Variants in GNG2 observed in about 807,000 individuals in gnomAD.
GNG2 encodes the protein guanine nucleotide-binding protein G(I)/G(S)/G(O) subunit gamma-2.
A neutral mutation model predicts 5.5 loss-of-function variants in GNG2; 5 were observed. That is an observed-to-expected ratio of 0.91 (90% CI 0.48 to 1.92). The LOEUF is 1.92. Among genes scored for constraint, GNG2 ranks in the 30% most tolerant of loss-of-function variants. The pLI is 0.01. For missense variants in GNG2, 55 were observed against 88.4 expected (o/e 0.62, Z 1.52); for synonymous variants, 28 against 32.0 (o/e 0.88, Z 0.42).
chr14:51,960,056 AT>A (rs1240443361), intron 3 of GNG2, among the ~76,000 whole-genome samples: 3 of 152,004 alleles, frequency 2.0e-5, no homozygotes, highest in East Asian at 3.9e-4. Flanking sequence ...CAGCCATTAT[AT>A]CTTCAAATAT....
intron 2 of GNG2, among the ~76,000 whole-genome samples, chr14:51,935,048 G>A (rs1198867059): frequency 5.8e-5 from 8 of 137,232 alleles, no homozygotes; most frequent in African/African-American, 1.7e-4. Flanking sequence ...TTTTGGAGAC[G>A]GAGTCTCGCT....
Position 51,938,462 on chromosome 14 carries a change from T to C in GNG2, c.-29-12188T>C, listed in dbSNP as rs188273610. On this transcript the variant is annotated intron_variant, in intron 2 of 3. Coordinates refer to ENST00000556766, the MANE Select transcript of GNG2 (RefSeq NM_053064.5). ...TAGCACTCCATAATTAACAATGTGC[T>C]GTCACAAACATTAGGCATGCATGTA... is the stretch of plus-strand genomic sequence containing the variant. Among the ~76,000 whole-genome samples the C allele has an allele frequency of 7.3e-4, 111 of 152,380 alleles. 1 individual carries two copies. The highest frequency in any genetic ancestry group is 2.5e-3 in the African/African-American group (106 of 41,596).
At chr14:51,849,031 T>C (rs1200489213) in intron 2 of GNG2, among the ~76,000 whole-genome samples, 1 of 152,196 alleles carries the variant, frequency 6.6e-6, no homozygotes, top group Non-Finnish European at 1.5e-5. Context: ...TTTTCTCTTA[T>C]AGTTTCTGTG....
chr14:51,949,009 T>C (rs1285684107), intron 2 of GNG2, among the ~76,000 whole-genome samples: 3 of 151,954 alleles, frequency 2.0e-5, no homozygotes, highest in Non-Finnish European at 2.9e-5. Context: ...TAGTCCCAGC[T>C]TCTCAGGAGG....
At chr14:51,841,633 A>G in intron 2 of GNG2, 1 of 682,296 alleles carries the variant, frequency 1.5e-6, no homozygotes, top group Non-Finnish European at 2.7e-6. Flanking sequence ...GAAAGAAAAC[A>G]AGCAAGCAAA....
intron 1 of GNG2, among the ~76,000 whole-genome samples, chr14:51,872,820 A>G (rs1349879650): frequency 2.6e-5 from 4 of 152,242 alleles, no homozygotes; most frequent in Non-Finnish European, 5.9e-5. Context: ...TTTGCATTTT[A>G]AAAATAGATG....
intron 1 of GNG2, among the ~76,000 whole-genome samples, chr14:51,876,736 C>T (rs950628602): frequency 2.0e-5 from 3 of 152,046 alleles, no homozygotes. Flanking sequence ...GATTGTAGCA[C>T]ACAGGCCAGT....
intron 2 of GNG2, among the ~76,000 whole-genome samples, chr14:51,883,414 A>G (rs1174646402): frequency 6.6e-6 from 1 of 152,204 alleles, no homozygotes; most frequent in Non-Finnish European, 1.5e-5. Context: ...GTAACCTTTA[A>G]TTTCTTAGAA....
intron 2 of GNG2, among the ~76,000 whole-genome samples, chr14:51,928,303 T>C (rs954246297): frequency 6.6e-6 from 1 of 152,124 alleles, no homozygotes; most frequent in Non-Finnish European, 1.5e-5. Context: ...TGCTGGAAAT[T>C]ACAGGCGCGG....
intron 3 of GNG2, among the ~76,000 whole-genome samples, chr14:51,958,439 T>TCCCC (rs11301974): frequency 7.5e-6 from 1 of 132,480 alleles, no homozygotes; most frequent in Admixed American, 7.9e-5. Context: ...TCTCTTCCGT[T>TCCCC]CCCCCCCCCC....
chr14:51,913,826 C>T (rs761424070), intron 2 of GNG2, among the ~76,000 whole-genome samples: 3 of 152,192 alleles, frequency 2.0e-5, no homozygotes, highest in Non-Finnish European at 4.4e-5. Flanking sequence ...TTAAAGTACT[C>T]TATATTCTCC....
intron 2 of GNG2, among the ~76,000 whole-genome samples, chr14:51,918,142 G>A (rs552429745): frequency 6.6e-6 from 1 of 152,098 alleles, no homozygotes; most frequent in Non-Finnish European, 1.5e-5. Flanking sequence ...AAAACAGTGG[G>A]CTGAAAGCCA....
rs562861677 is a variant in GNG2, at chr14:51,967,775, C to T, written c.*1088C>T. 6.6e-6 allele frequency: 1 copy of T among 152,082 alleles called. No homozygotes were observed. Among genetic ancestry groups the T allele is most frequent in the South Asian group, 2.1e-4 (1 of 4,804 alleles). The allele number at this position is 152,082 out of a possible 1,614,324, so 9.4% of individuals were successfully genotyped here. On this transcript the variant is annotated 3_prime_UTR_variant, in exon 4 of 4. Coordinates refer to ENST00000556766, the MANE Select transcript of GNG2 (RefSeq NM_053064.5). ...CTTTTGCCATGAGTATGAGCAAATT[C>T]CCTCTTTCCCTGAATCATGGACATT...
intron 3 of GNG2, among the ~76,000 whole-genome samples, chr14:51,955,447 C>G (rs1398211768): frequency 1.3e-5 from 2 of 152,100 alleles, no homozygotes; most frequent in African/African-American, 2.4e-5. Context: ...ATTTTTCCAC[C>G]TAGACTACAT....
In GNG2 at chr14:51,966,896, G is replaced by C. The variant is rs1160666801; in HGVS notation, c.*209G>C. On this transcript the variant is annotated 3_prime_UTR_variant, in exon 4 of 4. Coordinates refer to ENST00000556766, the MANE Select transcript of GNG2 (RefSeq NM_053064.5). Reference sequence around the variant, plus strand: ...CTGACTTAAGAGATCTGATTCTGACGAACTGCCTGGAGGAGGGGAATATAT... The same window carrying C: ...CTGACTTAAGAGATCTGATTCTGACCAACTGCCTGGAGGAGGGGAATATAT... 2 of 369,158 alleles carry C rather than the reference G, an allele frequency of 5.4e-6. No individual in the cohort carries two copies. The highest frequency in any genetic ancestry group is 2.1e-5 in the African/African-American group (1 of 47,716). 22.9% of individuals were successfully genotyped at this position (369,158 alleles called of 1,614,324 possible). A position where few individuals can be genotyped will look rare whatever the true frequency, so the allele number is the denominator to read the frequency against.
intron 2 of GNG2, among the ~76,000 whole-genome samples, chr14:51,929,220 A>T (rs1000610687): frequency 3.3e-5 from 5 of 152,342 alleles, no homozygotes; most frequent in African/African-American, 1.2e-4. Context: ...GCCAGCAAGT[A>T]ACCTGGCTTA....
chr14:51,953,077 C>G (rs1184839330), intron 3 of GNG2, among the ~76,000 whole-genome samples: 1 of 152,116 alleles, frequency 6.6e-6, no homozygotes, highest in Non-Finnish European at 1.5e-5. Flanking sequence ...CTCCTTTGCC[C>G]CTCTACCTTG....
Position 51,830,672 on chromosome 14 carries a change from C to T in GNG2, c.64+2865C>T, listed in dbSNP as rs188068001. ...GCTCAACTTTCAATATGTATTCAGC[C>T]GCTAACCACTTCTCATTACCACTTC... On this transcript the variant is annotated intron_variant, in intron 2 of 3. Transcript: ENST00000553432. 1.2e-4 allele frequency among the ~76,000 whole-genome samples: 18 copies of T among 152,288 alleles called. No individual in the cohort carries two copies. In the East Asian group the frequency reaches 2.5e-3, roughly 21 times the overall value.
At chr14:51,887,366 T>C (rs1007588796) in intron 2 of GNG2, among the ~76,000 whole-genome samples, 3 of 152,210 alleles carry the variant, frequency 2.0e-5, no homozygotes, top group Non-Finnish European at 4.4e-5. Flanking sequence ...TTTTTGCAGC[T>C]TACTTTGAAT....
Sources: allele counts gnomAD v4.1 joint callset (sites outside exome capture counted in the v4.1 genomes callset), GRCh38; gene constraint gnomAD v4.1.1; transcripts MANE v1.5; gene names NCBI Gene and HGNC (gene_info 2026-07-23, HGNC 2026-07-21).